The following CACNA2D3 variants were observed in gnomAD, a reference collection of about 807,000 sequenced individuals.
CACNA2D3 encodes the protein calcium voltage-gated channel auxiliary subunit alpha2delta 3, also known as voltage-dependent calcium channel subunit alpha-2/delta-3.
Under a neutral mutation model 160.6 loss-of-function variants are expected in CACNA2D3, and 60 were observed. That is an observed-to-expected ratio of 0.37 (90% CI 0.30 to 0.46). CACNA2D3 has a LOEUF of 0.46. Ranked by LOEUF, CACNA2D3 falls within the 20% of genes least tolerant of loss-of-function variation. The pLI, the probability that CACNA2D3 is intolerant of heterozygous loss-of-function variation, is 1.00. For synonymous variants in CACNA2D3, 558 were observed against 492.9 expected (o/e 1.13, Z -1.75); for missense variants, 1,205 against 1,365.0 (o/e 0.88, Z 1.85).
At chr3:54,136,686 C>T (rs1240683752) in intron 2 of CACNA2D3, among the ~76,000 whole-genome samples, 1 of 152,238 alleles carries the variant, frequency 6.6e-6, no homozygotes, top group East Asian at 1.9e-4. Flanking sequence ...CCTGTTTATA[C>T]TGCCGACCCT....
intron 2 of CACNA2D3, among the ~76,000 whole-genome samples, chr3:54,229,703 A>G (rs1701736591): frequency 6.6e-6 from 1 of 151,648 alleles, no homozygotes; most frequent in Non-Finnish European, 1.5e-5. Flanking sequence ...TTCTTCTCTT[A>G]CTCTGTTTTG....
intron 11 of CACNA2D3, among the ~76,000 whole-genome samples, chr3:54,657,075 G>A (rs1699886476): frequency 1.3e-5 from 2 of 151,434 alleles, no homozygotes; most frequent in African/African-American, 4.9e-5. Flanking sequence ...GTTCTCTGGC[G>A]GGCAGGAGTG....
At chr3:54,999,466 C>T (rs1270668454) in intron 31 of CACNA2D3, among the ~76,000 whole-genome samples, 1 of 152,178 alleles carries the variant, frequency 6.6e-6, no homozygotes, top group Non-Finnish European at 1.5e-5. Context: ...AGTCATTTTG[C>T]TTCTCAGACT....
At chr3:54,481,008 C>T (rs923719130) in intron 4 of CACNA2D3, among the ~76,000 whole-genome samples, 3 of 152,190 alleles carry the variant, frequency 2.0e-5, no homozygotes, top group Non-Finnish European at 4.4e-5. Context: ...GGGACACTCT[C>T]TGATTCTGTA....
In CACNA2D3 at chr3:54,642,143, C is replaced by A; in HGVS notation, c.1069C>A (p.Gln357Lys). 6.2e-7 allele frequency: 1 copy of A among 1,611,610 alleles called. No homozygotes were observed. ...NILSDFNHTG[Q>K]GSICSQAIML... ...CTTTCCCTAGTTCAACCACACGGGA[C>A]AAGGAAGTATCTGCAGTCAGGCCAT... Residue 357 changes from glutamine to lysine, a missense_variant, in exon 11 of 38, where the codon CAA becomes AAA. Coordinates refer to ENST00000474759, the MANE Select transcript of CACNA2D3 (RefSeq NM_018398.3).
Position 54,690,970 on chromosome 3 carries a change from G to T in CACNA2D3, c.1167+48729G>T, listed in dbSNP as rs571239512. Among the ~76,000 whole-genome samples the T allele has an allele frequency of 1.3e-4, 20 of 152,172 alleles. 1 individual carries two copies. The highest frequency in any genetic ancestry group is 4.8e-4 in the African/African-American group (20 of 41,528). ...TATTCTATTATTCTATTTTATGGTG[G>T]TGTGTGGCCTACAAATGGCAAGGAA... On this transcript the variant is annotated intron_variant, in intron 11 of 37. Transcript: ENST00000474759.
intron 2 of CACNA2D3, among the ~76,000 whole-genome samples, chr3:54,138,672 G>T (rs1699864080): frequency 6.6e-6 from 1 of 152,104 alleles, no homozygotes; most frequent in South Asian, 2.1e-4. Context: ...GAGTGTATGA[G>T]GATATCGTTT....
chr3:54,455,259 C>CA (rs1442927922), intron 4 of CACNA2D3, among the ~76,000 whole-genome samples: 1 of 151,860 alleles, frequency 6.6e-6, no homozygotes, highest in Admixed American at 6.6e-5. Context: ...CCAACATTTG[C>CA]TTTTTTTGTC....
intron 11 of CACNA2D3, among the ~76,000 whole-genome samples, chr3:54,731,862 C>T (rs889293482): frequency 1.1e-4 from 17 of 152,046 alleles, no homozygotes; most frequent in Middle Eastern, 3.4e-3. Context: ...CAAGCAGAAA[C>T]GTATAGGGCA....
At position 54,370,871 on chromosome 3, in the gene CACNA2D3, T is replaced by A. The variant is rs578113359; in HGVS notation, c.322-15844T>A. Among the ~76,000 whole-genome samples the A allele has an allele frequency of 3.3e-5, 5 of 152,202 alleles. No homozygotes were observed. The South Asian group carries it at 1.0e-3, about 32-fold the overall frequency. On this transcript the variant is annotated intron_variant, in intron 3 of 37. Transcript: ENST00000474759. ...AAAAAAAACAGTACACTTTAACATT[T>A]TTCCTTCAATCTCAGCATTCCTCCC...
chr3:54,851,628 C>G (rs578045743), intron 17 of CACNA2D3, among the ~76,000 whole-genome samples: 19 of 152,240 alleles, frequency 1.2e-4, no homozygotes, highest in African/African-American at 4.6e-4. Context: ...CAGAATCTGT[C>G]TAGACTTAAC....
At chr3:54,624,646 G>T (rs1323049213) in intron 9 of CACNA2D3, among the ~76,000 whole-genome samples, 1 of 152,112 alleles carries the variant, frequency 6.6e-6, no homozygotes, top group African/African-American at 2.4e-5. Context: ...AGAAAAAAAT[G>T]CTGTGTTAAC....
At chr3:54,600,396 C>A in intron 9 of CACNA2D3, among the ~76,000 whole-genome samples, 1 of 152,200 alleles carries the variant, frequency 6.6e-6, no homozygotes. Context: ...ATCGGTAACA[C>A]TTAAAAGATT....
chr3:54,922,924 T>C (rs1465348061), intron 27 of CACNA2D3, among the ~76,000 whole-genome samples: 1 of 152,162 alleles, frequency 6.6e-6, no homozygotes, highest in Non-Finnish European at 1.5e-5. Flanking sequence ...ATTATGGTCT[T>C]CTCTTAGTCA....
intron 5 of CACNA2D3, among the ~76,000 whole-genome samples, chr3:54,543,621 C>T (rs949842895): frequency 6.6e-6 from 1 of 152,188 alleles, no homozygotes; most frequent in Non-Finnish European, 1.5e-5. Context: ...TCTCCCTGTT[C>T]TTGGAGGTGG....
At chr3:54,227,700 G>A (rs1451354762) in intron 2 of CACNA2D3, among the ~76,000 whole-genome samples, 2 of 152,016 alleles carry the variant, frequency 1.3e-5, no homozygotes, top group African/African-American at 4.8e-5. Flanking sequence ...GATTACAGGC[G>A]TGCACCACTA....
intron 11 of CACNA2D3, among the ~76,000 whole-genome samples, chr3:54,659,137 T>C (rs944901632): frequency 6.6e-6 from 1 of 152,224 alleles, no homozygotes; most frequent in Non-Finnish European, 1.5e-5. Flanking sequence ...TTTCTTTTAC[T>C]GATAGCACCT....
intron 11 of CACNA2D3, among the ~76,000 whole-genome samples, chr3:54,668,746 C>G (rs921563982): frequency 6.6e-6 from 1 of 152,226 alleles, no homozygotes; most frequent in African/African-American, 2.4e-5. Context: ...CCAGTCAATT[C>G]TGTGGTTTCT....
chr3:54,970,476 C>T (rs1175501631), intron 29 of CACNA2D3, among the ~76,000 whole-genome samples: 1 of 112,412 alleles, frequency 8.9e-6, no homozygotes, highest in African/African-American at 3.4e-5. Flanking sequence ...CGTTCCTCAC[C>T]CCTCTCCTCC....
Sources: gnomAD v4.1 joint callset for allele counts (sites outside exome capture counted in the v4.1 genomes callset) on GRCh38, gnomAD v4.1.1 for gene constraint, MANE v1.5 for transcripts, NCBI Gene and HGNC (gene_info 2026-07-23, HGNC 2026-07-21) for gene names.